ETV5: variants seen among roughly 807,000 people sequenced by gnomAD.
ETV5 encodes the protein ETS translocation variant 5.
Under a neutral mutation model 70.0 loss-of-function variants are expected in ETV5, and 10 were observed. The observed-to-expected ratio is 0.14, with a 90% confidence interval of 0.09 to 0.24. The LOEUF is 0.24. Ranked by LOEUF, ETV5 falls within the 10% of genes least tolerant of loss-of-function variation. The pLI, the probability that ETV5 is intolerant of heterozygous loss-of-function variation, is 1.00. For synonymous variants in ETV5, 216 were observed against 242.2 expected, an observed-to-expected ratio of 0.89 and a Z score of 1.01; for missense variants, 453 against 651.2, an observed-to-expected ratio of 0.70 and a Z score of 3.31.
At chr3:186,090,735 AT>A (rs2150152224) in intron 5 of ETV5, among the ~76,000 whole-genome samples, 1 of 152,258 alleles carries the variant, frequency 6.6e-6, no homozygotes, top group East Asian at 1.9e-4. Flanking sequence ...TCTCTTTCTT[AT>A]GGTTCTCCTT....
At chr3:186,067,986 A>G (rs1578544819) in intron 7 of ETV5, among the ~76,000 whole-genome samples, 1 of 152,374 alleles carries the variant, frequency 6.6e-6, no homozygotes, top group Middle Eastern at 3.4e-3. Flanking sequence ...ATATCCTTAC[A>G]GAATAGGAAT....
In ETV5 at chr3:186,054,447, C is replaced by A. The variant is rs1713108442; in HGVS notation, c.1210-2316G>T. ...AGTTATCTGCCACATGTTCAACAAA[C>A]AACCCTACCCCCCAAAATATTCATT... is the stretch of plus-strand genomic sequence containing the variant. On this transcript the variant is annotated intron_variant, in intron 11 of 12. Coordinates refer to ENST00000306376, the MANE Select transcript of ETV5 (RefSeq NM_004454.3). The surrounding 1 kb of genome is among the most constrained non-coding windows in gnomAD (Gnocchi z 4.4). Among the ~76,000 whole-genome samples, 1 of 152,142 alleles carries A rather than the reference C, an allele frequency of 6.6e-6. No homozygotes were observed. Among genetic ancestry groups the A allele is most frequent in the Non-Finnish European group, 1.5e-5 (1 of 68,032 alleles).
intron 5 of ETV5, among the ~76,000 whole-genome samples, chr3:186,096,451 C>T (rs912356230): frequency 2.6e-5 from 4 of 152,134 alleles, no homozygotes; most frequent in Admixed American, 6.6e-5. Flanking sequence ...TTTATGTAAG[C>T]GAAGTCCTTT....
chr3:186,094,636 G>A (rs1327420304), intron 5 of ETV5, among the ~76,000 whole-genome samples: 5 of 152,128 alleles, frequency 3.3e-5, no homozygotes. Flanking sequence ...GAATTTCAGC[G>A]TTAGAAATTA....
intron 11 of ETV5, among the ~76,000 whole-genome samples, chr3:186,055,928 G>A (rs1713151816): frequency 6.6e-6 from 1 of 152,060 alleles, no homozygotes; most frequent in African/African-American, 2.4e-5. Flanking sequence ...TTGATCTGCT[G>A]GTTTAATTTA....
At chr3:186,049,804 C>T (rs1037732936) in intron 12 of ETV5, among the ~76,000 whole-genome samples, 20 of 152,108 alleles carry the variant, frequency 1.3e-4, no homozygotes, top group African/African-American at 4.6e-4. Context: ...GCTGGTTTTA[C>T]CTTAAAGCCC....
chr3:186,094,876 CAA>C (rs1714266507), intron 5 of ETV5, among the ~76,000 whole-genome samples: 1 of 152,154 alleles, frequency 6.6e-6, no homozygotes, highest in Non-Finnish European at 1.5e-5. Context: ...AAGATAAAAA[CAA>C]GAGGTTCTTC....
At chr3:186,061,158 G>T (rs909714468) in intron 9 of ETV5, among the ~76,000 whole-genome samples, 1 of 152,210 alleles carries the variant, frequency 6.6e-6, no homozygotes, top group South Asian at 2.1e-4. Flanking sequence ...TGCTTCATGA[G>T]TATCAGCTCT....
intron 8 of ETV5, among the ~76,000 whole-genome samples, chr3:186,064,755 C>T (rs1001732792): frequency 2.0e-5 from 3 of 152,160 alleles, no homozygotes; most frequent in African/African-American, 7.2e-5. Context: ...TGTGTTAACA[C>T]TAAATCTGGT....
chr3:186,074,558 G>A (rs1713731276), intron 7 of ETV5, among the ~76,000 whole-genome samples: 1 of 152,070 alleles, frequency 6.6e-6, no homozygotes, highest in Admixed American at 6.6e-5. Context: ...GACAGATGTG[G>A]AAGTCTTATA....
At chr3:186,093,198 A>C (rs964229335) in intron 5 of ETV5, among the ~76,000 whole-genome samples, 6 of 152,324 alleles carry the variant, frequency 3.9e-5, no homozygotes, top group African/African-American at 1.4e-4. Flanking sequence ...GGGTAAAAGC[A>C]GGGAAAGATG....
At chr3:186,106,002 T>G in intron 1 of ETV5, 60 bp from the exon 2 acceptor site, 2 of 1,270,938 alleles carry the variant, frequency 1.6e-6, no homozygotes, top group Non-Finnish European at 2.2e-6. Flanking sequence ...ATGAAACAAT[T>G]TTAGACTGCC....
intron 12 of ETV5, among the ~76,000 whole-genome samples, chr3:186,049,635 A>G (rs1560043603): frequency 1.3e-5 from 2 of 152,202 alleles, no homozygotes; most frequent in Admixed American, 1.3e-4. Flanking sequence ...AGCCAAATTT[A>G]CTGATAAGAT....
intron 5 of ETV5, among the ~76,000 whole-genome samples, chr3:186,083,994 A>C (rs1360019607): frequency 6.6e-6 from 1 of 152,200 alleles, no homozygotes; most frequent in Non-Finnish European, 1.5e-5. Context: ...ATAGTGGTGT[A>C]TTTAAAGCAG....
chr3:186,058,805 GGA>G (rs1261878251), intron 9 of ETV5, among the ~76,000 whole-genome samples: 2 of 152,092 alleles, frequency 1.3e-5, no homozygotes, highest in Non-Finnish European at 1.5e-5. Flanking sequence ...TCTGAGGTCA[GGA>G]GTTCGAGACC....
chr3:186,108,535 C>A (rs1307230973), intron 1 of ETV5: 1 of 1,285,014 alleles, frequency 7.8e-7, no homozygotes, highest in African/African-American at 1.5e-5. Context: ...CCCGCCCCCT[C>A]CTCCCAACTG....
At position 186,075,191 on chromosome 3, in the gene ETV5, T is replaced by C. The variant is rs184365210; in HGVS notation, c.650+4626A>G. On this transcript the variant is annotated intron_variant, in intron 7 of 12. Coordinates refer to ENST00000306376, the MANE Select transcript of ETV5 (RefSeq NM_004454.3). ...ACGCACTCTAACCATTACAAGAACA[T>C]CATTCAGTCTGTCAAAGAAGGATCC... Among the ~76,000 whole-genome samples, 5 of 152,298 alleles carry C rather than the reference T, an allele frequency of 3.3e-5. No individual in the cohort carries two copies. The East Asian group carries it at 9.7e-4, about 29-fold the overall frequency.
intron 12 of ETV5, among the ~76,000 whole-genome samples, chr3:186,049,892 T>C (rs1256246615): frequency 6.6e-6 from 1 of 151,830 alleles, no homozygotes; most frequent in Non-Finnish European, 1.5e-5. Context: ...AAGCTGGGAG[T>C]TGCACGGCTT....
chr3:186,058,948 G>A (rs1713234925), intron 9 of ETV5, among the ~76,000 whole-genome samples: 1 of 151,612 alleles, frequency 6.6e-6, no homozygotes, highest in South Asian at 2.1e-4. Flanking sequence ...AGGAGGCGGA[G>A]GTTACAGTGG....
Sources: allele counts gnomAD v4.1 joint callset (sites outside exome capture counted in the v4.1 genomes callset), GRCh38; gene constraint gnomAD v4.1.1; non-coding constraint Gnocchi (gnomAD v3.1); transcripts MANE v1.5; gene names NCBI Gene and HGNC (gene_info 2026-07-23, HGNC 2026-07-21).